CHKA: variants seen among roughly 807,000 people sequenced by gnomAD.
The protein encoded by CHKA is choline kinase alpha.
In CHKA, 34 loss-of-function variants were observed where a neutral mutation model predicts 60.1. The observed-to-expected ratio is 0.57, with a 90% CI of 0.43 to 0.75. CHKA has a LOEUF of 0.75. Ranked by LOEUF, CHKA falls within the 30% of genes least tolerant of loss-of-function variation. The pLI, the probability that CHKA is intolerant of heterozygous loss-of-function variation, is 0.00. For synonymous variants in CHKA, 217 were observed against 223.1 expected (o/e 0.97, Z 0.24); for missense variants, 563 against 561.3 (o/e 1.00, Z -0.03).
In CHKA at chr11:68,121,250, C is replaced by T; in HGVS notation, c.-73G>A. On this transcript the variant is annotated 5_prime_UTR_variant, in exon 1 of 12. Coordinates refer to ENST00000265689, the MANE Select transcript of CHKA (RefSeq NM_001277.3). ...CTAGGCTCAGAGTCCGGCCGGGCGC[C>T]CCCTCGCCGCTCTCTCACTGGCAGG... The T allele has an allele frequency of 1.9e-6, 2 of 1,061,950 alleles. No individual in the cohort carries two copies. Among genetic ancestry groups the T allele is most frequent in the South Asian group, 4.1e-5 (1 of 24,378 alleles). 65.8% of individuals were successfully genotyped at this position (1,061,950 alleles called of 1,614,324 possible).
chr11:68,078,522 G>C lies in CHKA; in HGVS notation c.516+2882C>G, dbSNP rs544271023. The stretch of plus-strand genomic sequence containing the variant: ...GCATGTGAAGAGTGAACAGAAACGG[G>C]AGAGAGAAGTGGTTGAGAATGGAAC... On this transcript the variant is annotated intron_variant, in intron 3 of 11. Transcript: ENST00000265689. Among the ~76,000 whole-genome samples the C allele has an allele frequency of 4.6e-5, 7 of 152,344 alleles. No homozygotes were observed. The South Asian group carries it at 1.5e-3, about 32-fold the overall frequency.
chr11:68,080,140 C>T lies in CHKA; in HGVS notation c.516+1264G>A, dbSNP rs1486840559. On this transcript the variant is annotated intron_variant, in intron 3 of 11. Coordinates refer to ENST00000265689, the MANE Select transcript of CHKA (RefSeq NM_001277.3). ...TGTCCAAAGGCCTCTGCACAAAGGG[C>T]TTGGAATGGTTCACAACAGATTGTC... 2.6e-5 allele frequency among the ~76,000 whole-genome samples: 4 copies of T among 152,182 alleles called. No homozygotes were observed. The East Asian group carries it at 5.8e-4, about 22-fold the overall frequency.
intron 1 of CHKA, among the ~76,000 whole-genome samples, chr11:68,103,669 T>C (rs995034722): frequency 1.4e-4 from 21 of 151,876 alleles, no homozygotes; most frequent in African/African-American, 4.6e-4. Context: ...CCCCGCACTT[T>C]GGAAGGCTGA....
chr11:68,076,241 A>G (rs1017148072), intron 3 of CHKA, among the ~76,000 whole-genome samples: 2 of 152,186 alleles, frequency 1.3e-5, no homozygotes, highest in African/African-American at 4.8e-5. Context: ...ATATGACAAT[A>G]AACTGATAAC....
chr11:68,119,638 T>C (rs1267788812), intron 1 of CHKA, among the ~76,000 whole-genome samples: 1 of 152,030 alleles, frequency 6.6e-6, no homozygotes, highest in African/African-American at 2.4e-5. Flanking sequence ...CCCAGCTAAT[T>C]TTTGTATTTT....
chr11:68,057,946 G>A (rs1856087468), intron 11 of CHKA, among the ~76,000 whole-genome samples: 2 of 152,186 alleles, frequency 1.3e-5, no homozygotes, highest in South Asian at 4.1e-4. Context: ...GCCCAGGCTG[G>A]AGTGCAGTGG....
chr11:68,096,966 G>A, intron 2 of CHKA, 53 bp downstream of exon 2: 1 of 1,252,460 alleles, frequency 8.0e-7, no homozygotes, highest in Non-Finnish European at 1.2e-6. Context: ...TCAGCAAAGA[G>A]GATTTAAAAT....
At chr11:68,111,915 T>C (rs1244154803) in intron 1 of CHKA, among the ~76,000 whole-genome samples, 2 of 151,322 alleles carry the variant, frequency 1.3e-5, no homozygotes, top group Non-Finnish European at 2.9e-5. Flanking sequence ...TAGCCAGGCG[T>C]GGTGACGCAT....
chr11:68,120,098 TG>T, intron 1 of CHKA, among the ~76,000 whole-genome samples: 1 of 151,660 alleles, frequency 6.6e-6, no homozygotes, highest in Non-Finnish European at 1.5e-5. Flanking sequence ...CGTGGTGGCG[TG>T]TGTCTGTAAT....
At chr11:68,120,779 C>A in intron 1 of CHKA, 49 bp downstream of exon 1, 1 of 1,028,868 alleles carries the variant, frequency 9.7e-7, no homozygotes, top group Non-Finnish European at 1.2e-6. Flanking sequence ...CCCGGCCCCG[C>A]CCCGCGTCAC....
At chr11:68,069,221 T>C (rs542519333) in intron 6 of CHKA, among the ~76,000 whole-genome samples, 149 of 152,218 alleles carry the variant, frequency 9.8e-4, no homozygotes, top group African/African-American at 3.5e-3. Flanking sequence ...AGACAGCCCT[T>C]CTCTTACCAG....
chr11:68,060,058 G>A (rs372504021), intron 11 of CHKA, among the ~76,000 whole-genome samples: 3 of 110,142 alleles, frequency 2.7e-5, no homozygotes, highest in African/African-American at 1.1e-4. Context: ...CCAGAGTCTC[G>A]CTCTGTCGCC....
intron 11 of CHKA, among the ~76,000 whole-genome samples, chr11:68,059,344 C>G (rs1856138682): frequency 6.6e-6 from 1 of 152,170 alleles, no homozygotes; most frequent in Non-Finnish European, 1.5e-5. Context: ...CACCTTCATT[C>G]TGTTAATATG....
chr11:68,089,319 G>T (rs941388557), intron 2 of CHKA, among the ~76,000 whole-genome samples: 1 of 152,124 alleles, frequency 6.6e-6, no homozygotes, highest in African/African-American at 2.4e-5. Flanking sequence ...ACACTTTTAC[G>T]GGAAGTGTGC....
At chr11:68,077,527 C>T (rs1177849215) in intron 3 of CHKA, among the ~76,000 whole-genome samples, 5 of 152,176 alleles carry the variant, frequency 3.3e-5, no homozygotes, top group African/African-American at 4.8e-5. Context: ...GAACAATTTA[C>T]TTGGGCTTCA....
chr11:68,096,456 G>A (rs944698753), intron 2 of CHKA, among the ~76,000 whole-genome samples: 1 of 151,890 alleles, frequency 6.6e-6, no homozygotes, highest in African/African-American at 2.4e-5. Flanking sequence ...AGACAAGTTG[G>A]GATATCCTAT....
At chr11:68,103,146 A>G (rs1198982866) in intron 1 of CHKA, among the ~76,000 whole-genome samples, 1 of 152,156 alleles carries the variant, frequency 6.6e-6, no homozygotes, top group Non-Finnish European at 1.5e-5. Flanking sequence ...TCAATAACAA[A>G]AACAAGGCAA....
rs531522205 is a variant in CHKA, at chr11:68,053,808, CAA to C, written c.*178_*179del. 60 of 522,828 alleles carry C rather than the reference CAA, an allele frequency of 1.1e-4. No homozygotes were observed. In the East Asian group the frequency reaches 1.4e-3, roughly 13 times the overall value. 32.4% of individuals were successfully genotyped at this position (522,828 alleles called of 1,614,324 possible). A position where few individuals can be genotyped will look rare whatever the true frequency, so the allele number is the denominator to read the frequency against. On this transcript the variant is annotated 3_prime_UTR_variant, in exon 12 of 12. Coordinates refer to ENST00000265689, the MANE Select transcript of CHKA (RefSeq NM_001277.3). Reference sequence around the variant, plus strand: ...TTCTGAGTCCTAGTGAAATCGTAAACAAGAGATGAAATAAACGTCGCTCCATT... The same window carrying C: ...TTCTGAGTCCTAGTGAAATCGTAAACGAGATGAAATAAACGTCGCTCCATT...
In CHKA at chr11:68,070,196, T is replaced by A. The variant is rs1445382413; in HGVS notation, c.862A>T (p.Asn288Tyr). The change falls in exon 6 of 12, where the codon AAC becomes TAC. Residue 288 changes from asparagine (N) to tyrosine (Y), a missense_variant. Asn to Tyr is a moderately radical substitution (Grantham distance 143). Coordinates refer to ENST00000265689, the MANE Select transcript of CHKA (RefSeq NM_001277.3). ...LSYNLPLELE[N>Y]LRSLLESTPS... is the part of the protein sequence containing the mutation. ...AATAGAAGGAAAACTCACCTCAGGT[T>A]TTCCAGTTCCAAGGGCAGATTGTAA... 2 of 1,611,342 alleles carry A rather than the reference T, an allele frequency of 1.2e-6. No homozygotes were observed. The highest frequency in any genetic ancestry group is 2.7e-5 in the African/African-American group (2 of 74,988).
Sources: gnomAD v4.1 joint callset for allele counts (sites outside exome capture counted in the v4.1 genomes callset) on GRCh38, gnomAD v4.1.1 for gene constraint, MANE v1.5 for transcripts, NCBI Gene and HGNC (gene_info 2026-07-23, HGNC 2026-07-21) for gene names.